Variants in HEMK2 observed in about 807,000 individuals in gnomAD.
HEMK2 encodes methyltransferase HEMK2.
the HEMK2 span, among the ~76,000 whole-genome samples, chr21:28,820,849 G>A: frequency 6.6e-6 from 1 of 152,088 alleles, no homozygotes; most frequent in Non-Finnish European, 1.5e-5. Context: ...TGAAATGCAG[G>A]GAATCTGAAG....
chr21:28,595,182 A>G, the HEMK2 span, among the ~76,000 whole-genome samples: 1 of 152,274 alleles, frequency 6.6e-6, no homozygotes, highest in East Asian at 1.9e-4. Context: ...AAACAATTCA[A>G]TTATATTCTT....
At chr21:28,724,709 A>G in the HEMK2 span, among the ~76,000 whole-genome samples, 1 of 152,254 alleles carries the variant, frequency 6.6e-6, no homozygotes, top group Non-Finnish European at 1.5e-5. Context: ...TGACTTTAGT[A>G]TGCCTCTGCA....
chr21:28,587,511 A>G, the HEMK2 span, among the ~76,000 whole-genome samples: 1 of 152,216 alleles, frequency 6.6e-6, no homozygotes, highest in Admixed American at 6.5e-5. Flanking sequence ...GGCAACCTAA[A>G]AAACTAATTT....
At chr21:28,750,184 G>A in the HEMK2 span, among the ~76,000 whole-genome samples, 325 of 152,244 alleles carry the variant, frequency 2.1e-3, 1 homozygote, top group African/African-American at 7.6e-3. Flanking sequence ...GTTAAATTAA[G>A]AAAAGAGAAA....
At chr21:28,771,300 G>C in the HEMK2 span, among the ~76,000 whole-genome samples, 1 of 152,156 alleles carries the variant, frequency 6.6e-6, no homozygotes, top group Non-Finnish European at 1.5e-5. Context: ...TTCAGGGAGA[G>C]ATGATTTGGA....
At chr21:28,703,778 G>T in the HEMK2 span, among the ~76,000 whole-genome samples, 2 of 152,122 alleles carry the variant, frequency 1.3e-5, no homozygotes, top group African/African-American at 4.8e-5. Context: ...TTTTATAGAA[G>T]TACATTCGTC....
the HEMK2 span, among the ~76,000 whole-genome samples, chr21:28,634,879 T>C: frequency 2.0e-5 from 3 of 152,192 alleles, no homozygotes; most frequent in Non-Finnish European, 4.4e-5. Flanking sequence ...TTGTGAAGGT[T>C]AGCTGTTACT....
chr21:28,834,463 T>A, the HEMK2 span, among the ~76,000 whole-genome samples: 1 of 152,024 alleles, frequency 6.6e-6, no homozygotes. Flanking sequence ...GAGAGCTGAG[T>A]GAAATTCAGG....
At chr21:28,852,149 T>C in the HEMK2 span, among the ~76,000 whole-genome samples, 1 of 152,234 alleles carries the variant, frequency 6.6e-6, no homozygotes, top group Non-Finnish European at 1.5e-5. Context: ...CACTAATCTC[T>C]GCAATCCCTC....
At chr21:28,794,184 T>C in the HEMK2 span, among the ~76,000 whole-genome samples, 1 of 152,176 alleles carries the variant, frequency 6.6e-6, no homozygotes, top group African/African-American at 2.4e-5. Flanking sequence ...TGCTCTACAA[T>C]ATTATAGGAT....
At chr21:28,746,470 C>A in the HEMK2 span, among the ~76,000 whole-genome samples, 5 of 152,136 alleles carry the variant, frequency 3.3e-5, no homozygotes, top group African/African-American at 1.2e-4. Context: ...CAAGCAAGTT[C>A]TTTGCTCACG....
the HEMK2 span, among the ~76,000 whole-genome samples, chr21:28,599,483 A>G: frequency 2.0e-5 from 3 of 152,176 alleles, no homozygotes; most frequent in African/African-American, 4.8e-5. Context: ...CACCTCCATG[A>G]TTCAATTATC....
At chr21:28,854,622 T>C in the HEMK2 span, among the ~76,000 whole-genome samples, 2 of 152,162 alleles carry the variant, frequency 1.3e-5, no homozygotes, top group African/African-American at 2.4e-5. Flanking sequence ...GGAGAGCCAG[T>C]CCGAGTTCCA....
At chr21:28,874,909 T>C in the HEMK2 span, 2 of 152,264 alleles carry the variant, frequency 1.3e-5, no homozygotes, top group Non-Finnish European at 2.9e-5. Flanking sequence ...TGCTCAAAGT[T>C]GTGTCCACCA....
At chr21:28,653,524 C>T in the HEMK2 span, among the ~76,000 whole-genome samples, 31 of 152,048 alleles carry the variant, frequency 2.0e-4, no homozygotes, top group Non-Finnish European at 3.5e-4. Context: ...CTTTTCATTC[C>T]GATCTTTTTT....
the HEMK2 span, among the ~76,000 whole-genome samples, chr21:28,754,611 C>A: frequency 6.6e-6 from 1 of 152,166 alleles, no homozygotes; most frequent in African/African-American, 2.4e-5. Context: ...TAAGAAGTAA[C>A]CCTTCAGCTT....
the HEMK2 span, among the ~76,000 whole-genome samples, chr21:28,746,672 T>TAAAAA: frequency 6.9e-6 from 1 of 144,864 alleles, no homozygotes. Flanking sequence ...AGGGCCAATC[T>TAAAAA]AAAAAAAAAA....
chr21:28,721,956 A>C, the HEMK2 span, among the ~76,000 whole-genome samples: 1 of 151,188 alleles, frequency 6.6e-6, no homozygotes, highest in Non-Finnish European at 1.5e-5. Flanking sequence ...ATTTGATGCA[A>C]TCATCAAACC....
At chr21:28,670,121 A>G in the HEMK2 span, among the ~76,000 whole-genome samples, 2 of 152,114 alleles carry the variant, frequency 1.3e-5, no homozygotes, top group African/African-American at 4.8e-5. Context: ...AGATTGTTGT[A>G]CAGAATCCAG....
Sources: gnomAD v4.1 joint callset for allele counts (sites outside exome capture counted in the v4.1 genomes callset) on GRCh38, gnomAD v4.1.1 for gene constraint, MANE v1.5 for transcripts, NCBI Gene and HGNC (gene_info 2026-07-23, HGNC 2026-07-21) for gene names.